KIF6: variants seen among roughly 807,000 people sequenced by gnomAD.
The protein encoded by KIF6 is kinesin family member 6.
KIF6 carries 106 observed loss-of-function variants against 112.7 expected under a neutral mutation model. The observed-to-expected ratio is 0.94, with a 90% CI of 0.80 to 1.11. The LOEUF is 1.11. Ranked by LOEUF, KIF6 falls within the 50% of genes least tolerant of loss-of-function variation. The pLI is 0.00. For missense variants in KIF6, 929 were observed against 964.0 expected (o/e 0.96, Z 0.48); for synonymous variants, 339 against 339.9 (o/e 1.00, Z 0.03).
intron 22 of KIF6, among the ~76,000 whole-genome samples, chr6:39,341,277 C>T (rs1043045634): frequency 2.0e-5 from 3 of 152,136 alleles, no homozygotes; most frequent in Non-Finnish European, 1.5e-5. Context: ...GGCCAGTGGT[C>T]CACATTCCAT....
intron 6 of KIF6, among the ~76,000 whole-genome samples, chr6:39,609,578 G>A (rs1783095419): frequency 6.6e-6 from 1 of 152,122 alleles, no homozygotes; most frequent in Non-Finnish European, 1.5e-5. Context: ...CACTTCAAGA[G>A]AGAAACAAAC....
At chr6:39,341,268 G>C (rs911291511) in intron 22 of KIF6, among the ~76,000 whole-genome samples, 10 of 152,064 alleles carry the variant, frequency 6.6e-5, no homozygotes, top group African/African-American at 2.4e-4. Context: ...ATGCAAAATG[G>C]CCAGTGGTCC....
intron 15 of KIF6, among the ~76,000 whole-genome samples, chr6:39,398,743 G>A (rs865876666): frequency 4.4e-4 from 67 of 152,350 alleles, no homozygotes; most frequent in Middle Eastern, 3.4e-3. Context: ...GGTTTGCAGA[G>A]CTAGAGATTA....
chr6:39,498,374 G>A (rs1775909240), intron 13 of KIF6, among the ~76,000 whole-genome samples: 1 of 152,168 alleles, frequency 6.6e-6, no homozygotes, highest in South Asian at 2.1e-4. Context: ...TTGCGGGTGA[G>A]GAGAGCTGGT....
At chr6:39,640,690 G>A (rs1222762673) in intron 3 of KIF6, among the ~76,000 whole-genome samples, 1 of 152,002 alleles carries the variant, frequency 6.6e-6, no homozygotes, top group East Asian at 1.9e-4. Flanking sequence ...TGTTTCATAT[G>A]CTTTCATGCC....
At chr6:39,365,770 G>A (rs1765511559) in intron 16 of KIF6, among the ~76,000 whole-genome samples, 2 of 152,182 alleles carry the variant, frequency 1.3e-5, no homozygotes, top group Admixed American at 6.5e-5. Flanking sequence ...CCCACTCTGC[G>A]GTGACTGGCT....
intron 13 of KIF6, among the ~76,000 whole-genome samples, chr6:39,507,601 G>A (rs184751550): frequency 8.5e-6 from 1 of 117,110 alleles, no homozygotes; most frequent in South Asian, 3.4e-4. Flanking sequence ...TCTGTCACAG[G>A]AAGCTTATCT....
chr6:39,656,768 T>C (rs1785811084), intron 3 of KIF6, among the ~76,000 whole-genome samples: 1 of 152,224 alleles, frequency 6.6e-6, no homozygotes, highest in African/African-American at 2.4e-5. Context: ...AGAACTCCTA[T>C]ATTTCCACAT....
chr6:39,444,267 C>A (rs540074646), intron 13 of KIF6, among the ~76,000 whole-genome samples: 1 of 151,978 alleles, frequency 6.6e-6, no homozygotes, highest in Non-Finnish European at 1.5e-5. Flanking sequence ...GGAAATGGAA[C>A]CTTTATTTCT....
chr6:39,522,589 T>C (rs11759743), intron 13 of KIF6, among the ~76,000 whole-genome samples: 34,695 of 152,168 alleles, frequency 0.23, 4,773 homozygotes, highest in African/African-American at 0.37. Flanking sequence ...CTACACTCTC[T>C]GAGACTGCTT....
At chr6:39,456,393 C>T (rs1482714989) in intron 13 of KIF6, among the ~76,000 whole-genome samples, 33 of 103,436 alleles carry the variant, frequency 3.2e-4, no homozygotes, top group African/African-American at 1.1e-3. Flanking sequence ...AAAGGAACAA[C>T]CGGTACCAGC....
rs1424351431 is a variant in KIF6 at position 39,335,461 on chromosome 6, T to C, written c.*1071A>G. The C allele has an allele frequency of 6.6e-6, 1 of 152,220 alleles. No homozygotes were observed. The highest frequency in any genetic ancestry group is 6.5e-5 in the Admixed American group (1 of 15,284). 9.4% of individuals were successfully genotyped at this position (152,220 alleles called of 1,614,324 possible). On this transcript the variant is annotated 3_prime_UTR_variant, in exon 23 of 23. Coordinates refer to ENST00000287152, the MANE Select transcript of KIF6 (RefSeq NM_145027.6). ...ACGAAAAAGAAAATCAAGCCAATTA[T>C]ACTATATTACCACTCTGCTCCCCTC... is the stretch of plus-strand genomic sequence containing the variant.
At chr6:39,379,536 A>G (rs1009196514) in intron 16 of KIF6, among the ~76,000 whole-genome samples, 1 of 152,234 alleles carries the variant, frequency 6.6e-6, no homozygotes, top group African/African-American at 2.4e-5. Context: ...TGGTGCTTTA[A>G]CAGAGACCCA....
At chr6:39,545,440 A>T in intron 11 of KIF6, 143 bp downstream of exon 11, 1 of 593,956 alleles carries the variant, frequency 1.7e-6, no homozygotes. Context: ...AGTGATAATC[A>T]TACTATTGAT....
intron 13 of KIF6, among the ~76,000 whole-genome samples, chr6:39,433,768 T>C (rs548524913): frequency 2.6e-5 from 4 of 152,306 alleles, no homozygotes; most frequent in Non-Finnish European, 4.4e-5. Flanking sequence ...AGGCCACCAC[T>C]TGGGGCAAGG....
chr6:39,516,155 A>G (rs1777074164), intron 13 of KIF6, among the ~76,000 whole-genome samples: 1 of 152,168 alleles, frequency 6.6e-6, no homozygotes. Flanking sequence ...AGAGATATGC[A>G]ACCTGTGTCT....
rs138464652 is a variant in KIF6 at position 39,369,958 on chromosome 6, A to G, written c.1862-7440T>C. Among the ~76,000 whole-genome samples, 846 of 152,246 alleles carry G rather than the reference A, an allele frequency of 5.6e-3. 15 individuals carry two copies. Among genetic ancestry groups the G allele is most frequent in the African/African-American group, 0.019 (807 of 41,528 alleles). ...CGGTGATTTCTGGGTCTGACCCACA[A>G]GGTTCCCCTTTTTCCCTGGTGCACA... On this transcript the variant is annotated intron_variant, in intron 16 of 22. Coordinates refer to ENST00000287152, the MANE Select transcript of KIF6 (RefSeq NM_145027.6).
intron 19 of KIF6, among the ~76,000 whole-genome samples, chr6:39,349,436 CAG>C: frequency 6.6e-6 from 1 of 151,438 alleles, no homozygotes; most frequent in South Asian, 2.1e-4. Flanking sequence ...GGGAATGAGG[CAG>C]AGAGGAGGAA....
At chr6:39,419,886 T>C in intron 15 of KIF6, 62 bp downstream of exon 15, 1 of 1,406,096 alleles carries the variant, frequency 7.1e-7, no homozygotes, top group South Asian at 1.1e-5. Flanking sequence ...AGGCACATCA[T>C]GACCTGATTT....
Sources: allele counts gnomAD v4.1 joint callset (sites outside exome capture counted in the v4.1 genomes callset), GRCh38; gene constraint gnomAD v4.1.1; transcripts MANE v1.5; gene names NCBI Gene and HGNC (gene_info 2026-07-23, HGNC 2026-07-21).